The following NXPH2 variants were observed in gnomAD, a reference collection of about 807,000 sequenced individuals.
NXPH2 encodes the protein neurexophilin 2.
A neutral mutation model predicts 19.8 loss-of-function variants in NXPH2; 5 were observed. The ratio of observed to expected loss-of-function variants is 0.25; its 90% confidence interval spans 0.13 to 0.53. The LOEUF (loss-of-function observed/expected upper bound fraction) is 0.53. Among genes scored for constraint, NXPH2 ranks in the 20% least tolerant of loss-of-function variants. The pLI, the probability that NXPH2 is intolerant of heterozygous loss-of-function variation, is 0.96. For missense variants in NXPH2, 289 were observed against 322.8 expected, an observed-to-expected ratio of 0.90 and a Z score of 0.80; for synonymous variants, 154 against 127.4, an observed-to-expected ratio of 1.21 and a Z score of -1.41.
chr2:138,690,450 A>G (rs776726914), intron 1 of NXPH2, among the ~76,000 whole-genome samples: 2 of 152,158 alleles, frequency 1.3e-5, no homozygotes, highest in Non-Finnish European at 2.9e-5. Flanking sequence ...CATTGCACGG[A>G]TAATAGAATT....
intron 1 of NXPH2, among the ~76,000 whole-genome samples, chr2:138,705,268 A>G (rs1233543312): frequency 6.6e-6 from 1 of 152,170 alleles, no homozygotes; most frequent in Non-Finnish European, 1.5e-5. Flanking sequence ...CTGGCCAATA[A>G]TATTATTAAA....
intron 1 of NXPH2, among the ~76,000 whole-genome samples, chr2:138,763,212 T>C (rs1224763051): frequency 6.6e-6 from 1 of 152,030 alleles, no homozygotes; most frequent in African/African-American, 2.4e-5. Flanking sequence ...CATAAATCAA[T>C]GAAGTAAGGA....
intron 1 of NXPH2, among the ~76,000 whole-genome samples, chr2:138,673,201 A>G (rs1680437449): frequency 6.6e-6 from 1 of 152,158 alleles, no homozygotes; most frequent in African/African-American, 2.4e-5. Flanking sequence ...GAGAACCTAA[A>G]TCCATATGGC....
At chr2:138,773,645 T>C (rs1682212500) in intron 1 of NXPH2, among the ~76,000 whole-genome samples, 1 of 152,206 alleles carries the variant, frequency 6.6e-6, no homozygotes, top group Non-Finnish European at 1.5e-5. Flanking sequence ...TAAATATACC[T>C]GCTATATAAC....
intron 1 of NXPH2, among the ~76,000 whole-genome samples, chr2:138,777,835 A>T (rs1157861526): frequency 4.2e-5 from 6 of 141,440 alleles, no homozygotes; most frequent in African/African-American, 1.7e-4. Flanking sequence ...AAAAATTAAA[A>T]AAAAAAAAAA....
chr2:138,733,727 G>A (rs373250216), intron 1 of NXPH2, among the ~76,000 whole-genome samples: 8 of 152,244 alleles, frequency 5.3e-5, no homozygotes, highest in African/African-American at 1.9e-4. Context: ...TATCAAAGGA[G>A]GCTACTGTAC....
intron 1 of NXPH2, among the ~76,000 whole-genome samples, chr2:138,746,862 TA>T (rs1316640913): frequency 6.6e-6 from 1 of 152,046 alleles, no homozygotes; most frequent in Admixed American, 6.6e-5. Context: ...AAATTTCCTA[TA>T]AAAAAGGGTT....
chr2:138,726,489 T>C (rs4128391), intron 1 of NXPH2, among the ~76,000 whole-genome samples: 32,346 of 151,170 alleles, frequency 0.21, 4,034 homozygotes, highest in East Asian at 0.53. Flanking sequence ...TTGCTTAATT[T>C]GCATCTTTTT....
At chr2:138,718,047 G>A (rs932478371) in intron 1 of NXPH2, among the ~76,000 whole-genome samples, 1 of 151,944 alleles carries the variant, frequency 6.6e-6, no homozygotes, top group Non-Finnish European at 1.5e-5. Flanking sequence ...CATAAAAAAT[G>A]GGTTCAGGAA....
chr2:138,717,325 C>T (rs1030861703), intron 1 of NXPH2, among the ~76,000 whole-genome samples: 10 of 152,108 alleles, frequency 6.6e-5, no homozygotes, highest in Admixed American at 3.9e-4. Context: ...TATGGCATCT[C>T]AAGGCAACTG....
chr2:138,746,191 T>G (rs1223704708), intron 1 of NXPH2, among the ~76,000 whole-genome samples: 1 of 152,246 alleles, frequency 6.6e-6, no homozygotes, highest in Non-Finnish European at 1.5e-5. Flanking sequence ...ATTCTCAATT[T>G]TCAATTTTAC....
Position 138,780,183 on chromosome 2 carries a change from G to A in NXPH2, c.51+8C>T, listed in dbSNP as rs1682329736. ...GCGTGTGGGACGGCGCGCGGGCCGG[G>A]CACTCACCAGCTGCAGCAAGCCAGG... is the stretch of plus-strand genomic sequence containing the variant. On this transcript the variant is annotated splice_region_variant and intron_variant, in intron 1 of 1. Transcript: ENST00000272641. The A allele has an allele frequency of 2.0e-6, 3 of 1,489,880 alleles. No individual in the cohort carries two copies. Among genetic ancestry groups the A allele is most frequent in the Admixed American group, 4.5e-5 (2 of 44,282 alleles). 92.3% of individuals were successfully genotyped at this position (1,489,880 alleles called of 1,614,324 possible).
chr2:138,737,481 C>T (rs902101613), intron 1 of NXPH2, among the ~76,000 whole-genome samples: 1 of 152,146 alleles, frequency 6.6e-6, no homozygotes, highest in Non-Finnish European at 1.5e-5. Context: ...GGGTCCTTCC[C>T]ACAACAGAAG....
chr2:138,716,934 G>A (rs1406991892), intron 1 of NXPH2, among the ~76,000 whole-genome samples: 5 of 152,170 alleles, frequency 3.3e-5, no homozygotes, highest in African/African-American at 4.8e-5. Flanking sequence ...TTTTGAGCCT[G>A]CAATTCCTCT....
intron 1 of NXPH2, among the ~76,000 whole-genome samples, chr2:138,696,903 T>C (rs1429001393): frequency 6.6e-6 from 1 of 152,034 alleles, no homozygotes; most frequent in African/African-American, 2.4e-5. Context: ...GATAATCAAA[T>C]AGAAACTAAT....
In NXPH2 at chr2:138,719,561, C is replaced by T. The variant is rs187650273; in HGVS notation, c.52-47896G>A. Among the ~76,000 whole-genome samples the T allele has an allele frequency of 3.7e-4, 57 of 152,210 alleles. 1 individual carries two copies. Among genetic ancestry groups the T allele is most frequent in the African/African-American group, 1.3e-3 (55 of 41,536 alleles). On this transcript the variant is annotated intron_variant, in intron 1 of 1. Transcript: ENST00000272641. Reference sequence around the variant, plus strand: ...GCAAGTATATGAATGTATAGTGTTACTTTCTTCATTTAAAACTTTAAATGG... The same window carrying T: ...GCAAGTATATGAATGTATAGTGTTATTTTCTTCATTTAAAACTTTAAATGG...
chr2:138,761,056 C>T (rs1573981531), intron 1 of NXPH2, among the ~76,000 whole-genome samples: 1 of 152,248 alleles, frequency 6.6e-6, no homozygotes, highest in South Asian at 2.1e-4. Flanking sequence ...AAGCATCTAT[C>T]TTATAGGGAT....
At chr2:138,727,673 G>T (rs1391365462) in intron 1 of NXPH2, among the ~76,000 whole-genome samples, 1 of 122,888 alleles carries the variant, frequency 8.1e-6, no homozygotes, top group African/African-American at 3.0e-5. Flanking sequence ...CGGTGAGGCG[G>T]GGGGGGTTCT....
In NXPH2 at chr2:138,769,915, C is replaced by G. The variant is rs188922413; in HGVS notation, c.51+10276G>C. On this transcript the variant is annotated intron_variant, in intron 1 of 1. Transcript: ENST00000272641. ...AATTAATATAATACAAACTCGAGGGCAAAACAGGGCGCAAATTCACAGTGT... is the reference window on the plus strand; with the variant it reads ...AATTAATATAATACAAACTCGAGGGGAAAACAGGGCGCAAATTCACAGTGT... 3.4e-4 allele frequency among the ~76,000 whole-genome samples: 52 copies of G among 152,138 alleles called. No individual in the cohort carries two copies. In the Middle Eastern group the frequency reaches 0.014, roughly 40 times the overall value.
Sources: allele counts gnomAD v4.1 joint callset (sites outside exome capture counted in the v4.1 genomes callset), GRCh38; gene constraint gnomAD v4.1.1; transcripts MANE v1.5; gene names NCBI Gene and HGNC (gene_info 2026-07-23, HGNC 2026-07-21).